The following ESRRA variants were observed in gnomAD, a reference collection of about 807,000 sequenced individuals.
ESRRA encodes steroid hormone receptor ERR1.
A neutral mutation model predicts 35.6 loss-of-function variants in ESRRA; 7 were observed. The ratio of observed to expected loss-of-function variants is 0.20; its 90% CI spans 0.11 to 0.37. The LOEUF is 0.37. Among genes scored for constraint, ESRRA ranks in the 10% least tolerant of loss-of-function variants. ESRRA has a pLI of 1.00. For synonymous variants in ESRRA, 223 were observed against 246.9 expected (o/e 0.90, Z 0.91); for missense variants, 378 against 561.7 (o/e 0.67, Z 3.31).
At chr11:64,308,808 T>C (rs2035084727) in intron 2 of ESRRA, among the ~76,000 whole-genome samples, 1 of 120,322 alleles carries the variant, frequency 8.3e-6, no homozygotes. Flanking sequence ...AGAGTGAGAC[T>C]CCGTCTCAAA....
chr11:64,307,251 G>A lies in ESRRA; in HGVS notation c.72G>A (p.Lys24=). 1 of 1,613,426 alleles carries A rather than the reference G, an allele frequency of 6.2e-7. No homozygotes were observed. Among genetic ancestry groups the A allele is most frequent in the Non-Finnish European group, 8.5e-7 (1 of 1,179,684 alleles). Residue 24 remains lysine (K), a synonymous_variant, in exon 2 of 7, where the codon AAG becomes AAA. Coordinates refer to ENST00000000442, the MANE Select transcript of ESRRA (RefSeq NM_004451.5). ...KAEPASPDSP[K]GSSETETEPP... is the part of the protein sequence containing the mutation. ...AGCCGGCCAGCCCTGACAGTCCAAAGGGTTCCTCGGAGACAGAGACCGAGC... is the reference window on the plus strand; with the variant it reads ...AGCCGGCCAGCCCTGACAGTCCAAAAGGTTCCTCGGAGACAGAGACCGAGC...
Position 64,315,744 on chromosome 11 carries a change from G to C in ESRRA, c.1050G>C (p.Gln350His). ...VHIEDAEAVE[Q>H]LREALHEALL... ...TCGAAGATGCCGAGGCTGTGGAGCA[G>C]CTGCGAGAAGCTCTGCACGAGGCCC... Residue 350 changes from glutamine (Q) to histidine (H), a missense_variant, in exon 7 of 7, where the codon CAG becomes CAC. Around this residue, in one of 4 missense-constraint regions of ESRRA, gnomAD observed 284 missense variants for 411.7 expected, o/e 0.69. Coordinates refer to ENST00000000442, the MANE Select transcript of ESRRA (RefSeq NM_004451.5). The C allele has an allele frequency of 6.2e-7, 1 of 1,613,964 alleles. No individual in the cohort carries two copies. Among genetic ancestry groups the C allele is most frequent in the Non-Finnish European group, 8.5e-7 (1 of 1,179,836 alleles).
intron 2 of ESRRA, among the ~76,000 whole-genome samples, chr11:64,312,139 C>G (rs1476414609): frequency 6.6e-6 from 1 of 150,964 alleles, no homozygotes; most frequent in Non-Finnish European, 1.5e-5. Context: ...CCACCATGTC[C>G]GGCTAATTTT....
At chr11:64,310,298 G>A (rs1242852614) in intron 2 of ESRRA, among the ~76,000 whole-genome samples, 1 of 148,836 alleles carries the variant, frequency 6.7e-6, no homozygotes, top group African/African-American at 2.5e-5. Flanking sequence ...GCAGTGGCAC[G>A]ATCTCGGCTC....
chr11:64,316,667 A>G lies in ESRRA; in HGVS notation c.*701A>G, dbSNP rs2035277639. On this transcript the variant is annotated 3_prime_UTR_variant, in exon 7 of 7. Coordinates refer to ENST00000000442, the MANE Select transcript of ESRRA (RefSeq NM_004451.5). ...CTGTACAGAGACTCTATTTTAATGTATATTTGCTGCAAAGAGAAACCGCTT... is the reference window on the plus strand; with the variant it reads ...CTGTACAGAGACTCTATTTTAATGTGTATTTGCTGCAAAGAGAAACCGCTT... 1.7e-6 allele frequency: 1 copy of G among 595,138 alleles called. No homozygotes were observed. The highest frequency in any genetic ancestry group is 3.0e-5 in the Admixed American group (1 of 33,004). 36.9% of individuals were successfully genotyped at this position (595,138 alleles called of 1,614,324 possible). A position where few individuals can be genotyped will look rare whatever the true frequency, so the allele number is the denominator to read the frequency against.
chr11:64,313,800 C>T lies in ESRRA; in HGVS notation c.326-151C>T. On this transcript the variant is annotated intron_variant, in intron 2 of 6. Transcript: ENST00000000442. This position sits in a 1 kb window ranked among gnomAD's most constrained non-coding sequence, Gnocchi z 4.0. ...GGGCTCCCCCGCCCAGCAGCCACTC[C>T]CCTCCCTGCCTGCTCATGGCCCCCT... 1.7e-6 allele frequency: 1 copy of T among 579,598 alleles called. No homozygotes were observed. Among genetic ancestry groups the T allele is most frequent in the South Asian group, 2.3e-5 (1 of 43,802 alleles). The allele number at this position is 579,598 out of a possible 1,614,324, so 35.9% of individuals were successfully genotyped here. A position where few individuals can be genotyped will look rare whatever the true frequency, so the allele number is the denominator to read the frequency against.
rs201710963 is a variant in ESRRA, at chr11:64,308,824, A to AC, written c.325+1320_325+1321insC. Among the ~76,000 whole-genome samples the AC allele has an allele frequency of 2.1e-3, 316 of 150,544 alleles. 5 individuals are homozygous for AC. The highest frequency in any genetic ancestry group is 0.015 in the East Asian group (79 of 5,108). On this transcript the variant is annotated intron_variant, in intron 2 of 6. Transcript: ENST00000000442. ...GAGTGAGACTCCGTCTCAAAAAAAA[A>AC]AAAAAAAAGGCTGGGCGCGGTGGCT...
At chr11:64,308,496 C>T (rs1293550090) in intron 2 of ESRRA, among the ~76,000 whole-genome samples, 1 of 134,542 alleles carries the variant, frequency 7.4e-6, no homozygotes, top group African/African-American at 2.8e-5. Context: ...GTACTCCAGC[C>T]TGGGTGACAG....
intron 2 of ESRRA, among the ~76,000 whole-genome samples, chr11:64,311,524 T>C (rs1394834225): frequency 6.6e-6 from 1 of 151,540 alleles, no homozygotes; most frequent in Non-Finnish European, 1.5e-5. Flanking sequence ...CAAGCGATTC[T>C]CCTGCCTCAG....
chr11:64,314,397 G>A (rs1446012823), intron 4 of ESRRA, 30 bp downstream of exon 4: 2 of 1,519,172 alleles, frequency 1.3e-6, no homozygotes, highest in East Asian at 2.4e-5. Flanking sequence ...CTGGGGCTAC[G>A]AAACCGGAGG....
At chr11:64,309,456 T>TA in intron 2 of ESRRA, among the ~76,000 whole-genome samples, 1 of 150,538 alleles carries the variant, frequency 6.6e-6, no homozygotes, top group Non-Finnish European at 1.5e-5. Flanking sequence ...AAAAAGGACT[T>TA]ACAGGCATGT....
intron 6 of ESRRA, 81 bp from the exon 7 acceptor site, chr11:64,315,626 C>T: frequency 6.5e-7 from 1 of 1,545,500 alleles, no homozygotes; most frequent in East Asian, 2.3e-5. Context: ...TCCTTAGGCC[C>T]CATCCAGCAG....
Position 64,313,911 on chromosome 11 carries a change from C to A in ESRRA, c.326-40C>A. 7.0e-7 allele frequency: 1 copy of A among 1,435,978 alleles called. No individual in the cohort carries two copies. The allele number at this position is 1,435,978 out of a possible 1,614,324, so 89.0% of individuals were successfully genotyped here. ...CCTGTCAGCTGGGTCCCCTCCCAGC[C>A]CCGGGAGGCCGCCACTGGAGCCCTG... is the stretch of plus-strand genomic sequence containing the variant. On this transcript the variant is annotated intron_variant, in intron 2 of 6. Coordinates refer to ENST00000000442, the MANE Select transcript of ESRRA (RefSeq NM_004451.5). This position sits in a 1 kb window ranked among gnomAD's most constrained non-coding sequence, Gnocchi z 4.0.
Position 64,314,042 on chromosome 11 carries a change from C to T in ESRRA, c.417C>T (p.Cys139=), listed in dbSNP as rs1331185886. 1 of 1,591,526 alleles carries T rather than the reference C, an allele frequency of 6.3e-7. No homozygotes were observed. Among genetic ancestry groups the T allele is most frequent in the Non-Finnish European group, 8.6e-7 (1 of 1,168,562 alleles). The change falls in exon 3 of 7, where the codon TGC becomes TGT. Residue 139 remains cysteine, a synonymous_variant. Transcript: ENST00000000442. ...GCCAGGCCTGCCGCTTCACCAAGTG[C>T]CTGCGGGTGGGCATGCTCAAGGAGG... ...KACQACRFTK[C]LRVGMLKEGV...
chr11:64,315,308 C>T (rs375512211), intron 6 of ESRRA, 38 bp downstream of exon 6: 253 of 1,518,908 alleles, frequency 1.7e-4, no homozygotes, highest in Non-Finnish European at 2.0e-4. Flanking sequence ...GAGGTGTCTC[C>T]GTAAGGTCTT....
At chr11:64,315,422 G>T in intron 6 of ESRRA, 152 bp downstream of exon 6, 1 of 1,018,640 alleles carries the variant, frequency 9.8e-7, no homozygotes, top group Non-Finnish European at 1.4e-6. Flanking sequence ...CAAGCCAAGT[G>T]CAGGCTCCAA....
intron 2 of ESRRA, among the ~76,000 whole-genome samples, chr11:64,312,601 G>T (rs1013626265): frequency 6.6e-6 from 1 of 152,206 alleles, no homozygotes; most frequent in Non-Finnish European, 1.5e-5. Flanking sequence ...GCCAGGCCTC[G>T]TTGCTAGTGC....
At chr11:64,314,388 TG>T in intron 4 of ESRRA, 21 bp downstream of exon 4, 1 of 1,533,168 alleles carries the variant, frequency 6.5e-7, no homozygotes, top group Non-Finnish European at 8.8e-7. Context: ...TGTGGGTACC[TG>T]GGGCTACGAA....
intron 2 of ESRRA, among the ~76,000 whole-genome samples, chr11:64,309,478 A>G (rs1239501147): frequency 6.6e-6 from 1 of 151,992 alleles, no homozygotes; most frequent in African/African-American, 2.4e-5. Context: ...TGCTCTTAAA[A>G]GTCACTAATT....
Sources: allele counts gnomAD v4.1 joint callset (sites outside exome capture counted in the v4.1 genomes callset), GRCh38; gene constraint gnomAD v4.1.1; regional missense constraint gnomAD v4.1.1; non-coding constraint Gnocchi (gnomAD v3.1); transcripts MANE v1.5; gene names NCBI Gene and HGNC (gene_info 2026-07-23, HGNC 2026-07-21).